LIN28B: variants seen among roughly 807,000 people sequenced by gnomAD.
LIN28B encodes lin-28 RNA binding posttranscriptional regulator B.
LIN28B carries 5 observed loss-of-function variants against 21.9 expected under a neutral mutation model. The ratio of observed to expected loss-of-function variants is 0.23; its 90% CI spans 0.12 to 0.48. The LOEUF (loss-of-function observed/expected upper bound fraction) is 0.48. Among genes scored for constraint, LIN28B ranks in the 20% least tolerant of loss-of-function variants. The pLI is 0.98. For missense variants in LIN28B, 245 were observed against 310.5 expected, an observed-to-expected ratio of 0.79 and a Z score of 1.58; for synonymous variants, 109 against 111.3, an observed-to-expected ratio of 0.98 and a Z score of 0.13.
At chr6:104,950,262 A>G (rs1199723816) in intron 2 of LIN28B, among the ~76,000 whole-genome samples, 1 of 152,182 alleles carries the variant, frequency 6.6e-6, no homozygotes, top group Non-Finnish European at 1.5e-5. Flanking sequence ...AGTGTCCTCT[A>G]CTAGATATAA....
chr6:105,052,114 A>G (rs1771918958), intron 3 of LIN28B, among the ~76,000 whole-genome samples: 1 of 152,180 alleles, frequency 6.6e-6, no homozygotes, highest in Non-Finnish European at 1.5e-5. Context: ...AACCTGTGCA[A>G]AGATTCCGAG....
intron 3 of LIN28B, among the ~76,000 whole-genome samples, chr6:105,031,425 G>A (rs1315843172): frequency 6.6e-6 from 1 of 151,926 alleles, no homozygotes; most frequent in African/African-American, 2.4e-5. Flanking sequence ...CAGAAAGCTA[G>A]AATTCCAGTT....
At chr6:104,937,442 T>G (rs1027837009) in intron 2 of LIN28B, among the ~76,000 whole-genome samples, 4 of 152,142 alleles carry the variant, frequency 2.6e-5, no homozygotes, top group African/African-American at 4.8e-5. Context: ...GCCTGCCTGA[T>G]TTTTTGTAGA....
At chr6:105,069,847 G>A (rs1283503795) in intron 3 of LIN28B, among the ~76,000 whole-genome samples, 1 of 152,138 alleles carries the variant, frequency 6.6e-6, no homozygotes, top group African/African-American at 2.4e-5. Context: ...ATCAGTGATG[G>A]TAAAAGGTTG....
intron 3 of LIN28B, among the ~76,000 whole-genome samples, chr6:105,026,923 G>A (rs983309631): frequency 6.6e-6 from 1 of 152,016 alleles, no homozygotes; most frequent in African/African-American, 2.4e-5. Context: ...AAATCCTAGA[G>A]GTGGGAATTA....
At chr6:104,962,512 A>G (rs1231359275) in intron 2 of LIN28B, among the ~76,000 whole-genome samples, 4 of 152,146 alleles carry the variant, frequency 2.6e-5, no homozygotes, top group African/African-American at 9.6e-5. Flanking sequence ...TAATGGAAAT[A>G]GAAAAAATAA....
At chr6:105,061,809 C>T (rs927588840) in intron 3 of LIN28B, among the ~76,000 whole-genome samples, 1 of 151,846 alleles carries the variant, frequency 6.6e-6, no homozygotes, top group Non-Finnish European at 1.5e-5. Context: ...TCCTGGATTC[C>T]CTTTTTTATT....
At chr6:104,976,935 C>G (rs1770109417) in intron 2 of LIN28B, among the ~76,000 whole-genome samples, 1 of 152,214 alleles carries the variant, frequency 6.6e-6, no homozygotes, top group South Asian at 2.1e-4. Context: ...TATTCACTCT[C>G]TCAGAAGTTG....
chr6:105,003,229 C>T (rs567362714), intron 2 of LIN28B, among the ~76,000 whole-genome samples: 31 of 152,170 alleles, frequency 2.0e-4, no homozygotes, highest in African/African-American at 6.3e-4. Context: ...AATCATTTTA[C>T]GATAGAGAAA....
chr6:105,020,956 C>T (rs546910175), intron 2 of LIN28B, among the ~76,000 whole-genome samples: 9 of 151,322 alleles, frequency 5.9e-5, no homozygotes, highest in Admixed American at 2.0e-4. Flanking sequence ...GGGGTTTCAC[C>T]GTGTTAGCCA....
At chr6:105,053,613 A>T (rs1771957053) in intron 3 of LIN28B, among the ~76,000 whole-genome samples, 2 of 150,954 alleles carry the variant, frequency 1.3e-5, no homozygotes. Context: ...GAAATGTCCC[A>T]CCTCCCTTGT....
chr6:105,020,822 G>A (rs1390232255), intron 2 of LIN28B, among the ~76,000 whole-genome samples: 2 of 146,264 alleles, frequency 1.4e-5, no homozygotes, highest in African/African-American at 2.5e-5. Flanking sequence ...GCAGGATCTC[G>A]GCTCACTGCA....
At chr6:104,954,030 G>A (rs1382917338), upstream of LIN28B, among the ~76,000 whole-genome samples, 7 of 152,160 alleles carry the variant, frequency 4.6e-5, no homozygotes, top group African/African-American at 1.7e-4. Flanking sequence ...TAGCCAACAG[G>A]CATATGGTAG....
At chr6:105,045,380 G>A (rs997933576) in intron 3 of LIN28B, among the ~76,000 whole-genome samples, 24 of 145,388 alleles carry the variant, frequency 1.7e-4, no homozygotes, top group East Asian at 4.2e-4. Flanking sequence ...TCTGCCTCCC[G>A]GGTTCAAGCA....
intron 3 of LIN28B, among the ~76,000 whole-genome samples, chr6:105,043,588 GTTT>G (rs557033563): frequency 7.1e-6 from 1 of 140,778 alleles, no homozygotes; most frequent in Admixed American, 7.1e-5. Flanking sequence ...TTTGTTTATG[GTTT>G]TTTTTTTTTT....
At position 105,005,056 on chromosome 6, in the gene LIN28B, CTT is replaced by C. The variant is rs1370648974; in HGVS notation, c.199-21239_199-21238del. ...TTCATAGAAAGGGTAATGAGGCAAA[CTT>C]TTAAAGACTCCATTGGTCTGATAGT... On this transcript the variant is annotated intron_variant, in intron 2 of 3. Transcript: ENST00000345080. Among the ~76,000 whole-genome samples the C allele has an allele frequency of 4.6e-5, 7 of 152,262 alleles. No individual in the cohort carries two copies. In the East Asian group the frequency reaches 1.4e-3, roughly 29 times the overall value.
chr6:105,065,454 T>C (rs1487556953), intron 3 of LIN28B, among the ~76,000 whole-genome samples: 1 of 152,252 alleles, frequency 6.6e-6, no homozygotes, highest in Admixed American at 6.5e-5. Context: ...GAAGAACTGC[T>C]GATTCTTGGC....
Position 105,075,489 on chromosome 6 carries a change from T to A in LIN28B, c.384-2925T>A, listed in dbSNP as rs920998254. On this transcript the variant is annotated intron_variant, in intron 3 of 3. Coordinates refer to ENST00000345080, the MANE Select transcript of LIN28B (RefSeq NM_001004317.4). ...ATGATTAAATAGAAGAGAATATAAA[T>A]ACCACTCCTCCCCCTTTTAAGGCTA... Among the ~76,000 whole-genome samples, 3 of 152,120 alleles carry A rather than the reference T, an allele frequency of 2.0e-5. No homozygotes were observed. In the South Asian group the frequency reaches 6.2e-4, roughly 32 times the overall value.
chr6:104,948,813 G>A (rs1438624220), intron 2 of LIN28B, among the ~76,000 whole-genome samples: 2 of 151,854 alleles, frequency 1.3e-5, no homozygotes, highest in African/African-American at 4.8e-5. Context: ...CCTTTGAAGC[G>A]GACATTACTG....
Sources: gnomAD v4.1 joint callset for allele counts (sites outside exome capture counted in the v4.1 genomes callset) on GRCh38, gnomAD v4.1.1 for gene constraint, MANE v1.5 for transcripts, NCBI Gene and HGNC (gene_info 2026-07-23, HGNC 2026-07-21) for gene names.